METAP1: variants seen among roughly 807,000 people sequenced by gnomAD.
METAP1 encodes methionyl aminopeptidase 1, also known as methionine aminopeptidase 1.
In METAP1, 28 loss-of-function variants were observed where a neutral mutation model predicts 53.8. The ratio of observed to expected loss-of-function variants is 0.52; its 90% CI spans 0.39 to 0.71. The LOEUF is 0.71. Among genes scored for constraint, METAP1 ranks in the 30% least tolerant of loss-of-function variants. The pLI, the probability that METAP1 is intolerant of heterozygous loss-of-function variation, is 0.00. For missense variants in METAP1, 389 were observed against 479.8 expected, an observed-to-expected ratio of 0.81 and a Z score of 1.77; for synonymous variants, 181 against 165.7, an observed-to-expected ratio of 1.09 and a Z score of -0.71.
chr4:99,011,882 G>C (rs1006703934), intron 1 of METAP1, among the ~76,000 whole-genome samples: 1 of 152,204 alleles, frequency 6.6e-6, no homozygotes, highest in East Asian at 1.9e-4. Context: ...GGAGGTTGCG[G>C]TGAGCAGAGA....
At chr4:98,996,108 G>A (rs953599464) in intron 1 of METAP1, among the ~76,000 whole-genome samples, 5 of 152,170 alleles carry the variant, frequency 3.3e-5, no homozygotes, top group Non-Finnish European at 5.9e-5. Context: ...GCGGCCATGT[G>A]GGCTGGGGCG....
intron 9 of METAP1, among the ~76,000 whole-genome samples, chr4:99,053,111 C>A (rs1726833428): frequency 6.6e-6 from 1 of 152,194 alleles, no homozygotes; most frequent in Non-Finnish European, 1.5e-5. Context: ...TTACTTGCTC[C>A]ACTAAGTTTC....
chr4:99,054,334 C>G (rs1307874604), intron 9 of METAP1, among the ~76,000 whole-genome samples: 1 of 152,200 alleles, frequency 6.6e-6, no homozygotes, highest in African/African-American at 2.4e-5. Flanking sequence ...TTAAACCTCA[C>G]GAACCAACCT....
chr4:99,061,375 A>T lies in METAP1; in HGVS notation c.*58A>T. On this transcript the variant is annotated 3_prime_UTR_variant, in exon 11 of 11. Coordinates refer to ENST00000296411, the MANE Select transcript of METAP1 (RefSeq NM_015143.3). ...TTACTGTGCTATGCATTTTATTGAG[A>T]GTACAGAAAGGAAGAGGAACCTTTT... 6.8e-7 allele frequency: 1 copy of T among 1,469,300 alleles called. No homozygotes were observed. 91.0% of individuals were successfully genotyped at this position (1,469,300 alleles called of 1,614,324 possible). A position where few individuals can be genotyped will look rare whatever the true frequency, so the allele number is the denominator to read the frequency against.
intron 2 of METAP1, among the ~76,000 whole-genome samples, chr4:99,033,382 A>G (rs946466722): frequency 6.6e-6 from 1 of 152,116 alleles, no homozygotes; most frequent in African/African-American, 2.4e-5. Context: ...TTGGTCTACG[A>G]GGGACTTGTA....
At chr4:99,004,502 C>T (rs1560691999) in intron 1 of METAP1, among the ~76,000 whole-genome samples, 1 of 83,750 alleles carries the variant, frequency 1.2e-5, no homozygotes, top group Non-Finnish European at 2.9e-5. Context: ...CACACACACA[C>T]ACACACACAC....
intron 4 of METAP1, among the ~76,000 whole-genome samples, chr4:99,036,304 C>G (rs1725419198): frequency 6.6e-6 from 1 of 151,958 alleles, no homozygotes; most frequent in African/African-American, 2.4e-5. Flanking sequence ...TAGTTAAACC[C>G]TACTATTTCA....
chr4:99,045,260 G>T lies in METAP1; in HGVS notation c.737G>T (p.Arg246Leu), dbSNP rs745395009. Residue 246 changes from arginine (R) to leucine (L), a missense_variant, in exon 8 of 11, where the codon CGG (arginine) becomes CTG (leucine). Arg to Leu is a moderately radical substitution (Grantham distance 102). Coordinates refer to ENST00000296411, the MANE Select transcript of METAP1 (RefSeq NM_015143.3). ...FFVGEVDDGA[R>L]KLVQTTYECL... ...GTTGGAGAAGTGGATGATGGAGCAC[G>T]GAAACTTGTTCAGACCACATATGAG... 6.2e-7 allele frequency: 1 copy of T among 1,613,782 alleles called. No individual in the cohort carries two copies. The highest frequency in any genetic ancestry group is 1.1e-5 in the South Asian group (1 of 91,022).
chr4:99,045,195 T>C lies in METAP1; in HGVS notation c.672T>C (p.Tyr224=). The change falls in exon 8 of 11, where the codon TAT becomes TAC. Residue 224 remains tyrosine, a synonymous_variant. Coordinates refer to ENST00000296411, the MANE Select transcript of METAP1 (RefSeq NM_015143.3). Reference sequence around the variant, plus strand: ...CTCTTGCAGTGGATATCACTCTTTATCGCAATGGTTATCATGGGGACCTGA... The same window carrying C: ...CTCTTGCAGTGGATATCACTCTTTACCGCAATGGTTATCATGGGGACCTGA... The part of the protein sequence containing the change: ...GDIVNVDITL[Y]RNGYHGDLNE... 1 of 1,613,520 alleles carries C rather than the reference T, an allele frequency of 6.2e-7. No homozygotes were observed.
At chr4:99,001,131 C>T (rs1722905232) in intron 1 of METAP1, among the ~76,000 whole-genome samples, 1 of 152,196 alleles carries the variant, frequency 6.6e-6, no homozygotes, top group African/African-American at 2.4e-5. Flanking sequence ...ACATTCCTGC[C>T]AGTGCAGGGT....
Position 99,045,221 on chromosome 4 carries a change from A to G in METAP1, c.698A>G (p.Asn233Ser). 4 of 1,613,754 alleles carry G rather than the reference A, an allele frequency of 2.5e-6. No homozygotes were observed. The highest frequency in any genetic ancestry group is 3.4e-6 in the Non-Finnish European group (4 of 1,179,748). The part of the protein sequence containing the change: ...LYRNGYHGDL[N>S]ETFFVGEVDD... The stretch of plus-strand genomic sequence containing the variant: ...CGCAATGGTTATCATGGGGACCTGA[A>G]TGAGACATTTTTTGTTGGAGAAGTG... Residue 233 changes from asparagine to serine, a missense_variant, in exon 8 of 11, where the codon AAT becomes AGT. Coordinates refer to ENST00000296411, the MANE Select transcript of METAP1 (RefSeq NM_015143.3).
Position 99,039,415 on chromosome 4 carries a change from A to G in METAP1, c.382A>G (p.Ile128Val). 6.2e-7 allele frequency: 1 copy of G among 1,611,918 alleles called. No individual in the cohort carries two copies. The highest frequency in any genetic ancestry group is 8.5e-7 in the Non-Finnish European group (1 of 1,178,522). Reference sequence around the variant, plus strand: ...ACAGGCTCTTAAAGGTACTTCTCAGATTAAATTACTCTCATCTGAAGATAT... The same window carrying G: ...ACAGGCTCTTAAAGGTACTTCTCAGGTTAAATTACTCTCATCTGAAGATAT... ...SEQALKGTSQ[I>V]KLLSSEDIEG... The change falls in exon 5 of 11, where the codon ATT becomes GTT. Residue 128 changes from isoleucine (I) to valine (V), a missense_variant. Ile to Val is a conservative substitution (Grantham distance 29). Coordinates refer to ENST00000296411, the MANE Select transcript of METAP1 (RefSeq NM_015143.3).
intron 3 of METAP1, 78 bp downstream of exon 3, chr4:99,034,420 A>G: frequency 1.2e-6 from 1 of 813,792 alleles, no homozygotes; most frequent in Non-Finnish European, 2.1e-6. Context: ...GTTTTCCAGT[A>G]GTGAATCATA....
chr4:99,032,216 T>G (rs528914269), intron 2 of METAP1, among the ~76,000 whole-genome samples: 20 of 152,080 alleles, frequency 1.3e-4, no homozygotes, highest in South Asian at 6.2e-4. Flanking sequence ...ATTCGTTTTT[T>G]TTTTGTTTTG....
intron 1 of METAP1, among the ~76,000 whole-genome samples, chr4:99,024,626 A>G (rs1009035754): frequency 6.6e-6 from 1 of 152,210 alleles, no homozygotes; most frequent in African/African-American, 2.4e-5. Context: ...AAATATTTCA[A>G]GCACTGATCT....
intron 1 of METAP1, among the ~76,000 whole-genome samples, chr4:99,007,765 C>T (rs1314776947): frequency 6.6e-6 from 1 of 152,164 alleles, no homozygotes; most frequent in African/African-American, 2.4e-5. Context: ...GTGTTATCAC[C>T]TTTAAAGTGG....
At chr4:99,058,079 G>C (rs1211603504) in intron 10 of METAP1, among the ~76,000 whole-genome samples, 1 of 152,114 alleles carries the variant, frequency 6.6e-6, no homozygotes, top group Non-Finnish European at 1.5e-5. Context: ...TCATGTCAAA[G>C]GGTGCATTGT....
Position 99,061,276 on chromosome 4 carries a change from C to A in METAP1, c.1120C>A (p.Arg374=), listed in dbSNP as rs202113897. Residue 374 remains arginine (R), a synonymous_variant, in exon 11 of 11, where the codon CGA becomes AGA. Coordinates refer to ENST00000296411, the MANE Select transcript of METAP1 (RefSeq NM_015143.3). The part of the protein sequence containing the change: ...TDTGCEILTR[R]LDSARPHFMS... Reference sequence around the variant, plus strand: ...CACTGGCTGTGAAATCCTAACCCGGCGACTTGACAGTGCACGGCCTCACTT... The same window carrying A: ...CACTGGCTGTGAAATCCTAACCCGGAGACTTGACAGTGCACGGCCTCACTT... 2 of 1,613,834 alleles carry A rather than the reference C, an allele frequency of 1.2e-6. No individual in the cohort carries two copies. The highest frequency in any genetic ancestry group is 8.5e-7 in the Non-Finnish European group (1 of 1,179,830).
At chr4:98,996,238 G>A (rs2110265559) in intron 1 of METAP1, among the ~76,000 whole-genome samples, 1 of 152,200 alleles carries the variant, frequency 6.6e-6, no homozygotes, top group East Asian at 1.9e-4. Context: ...GCGGCGCCGG[G>A]AAGGAGGGCA....
Sources: gnomAD v4.1 joint callset for allele counts (sites outside exome capture counted in the v4.1 genomes callset) on GRCh38, gnomAD v4.1.1 for gene constraint, MANE v1.5 for transcripts, NCBI Gene and HGNC (gene_info 2026-07-23, HGNC 2026-07-21) for gene names.